Variants in LRP11 observed in about 807,000 individuals in gnomAD.
LRP11 encodes low-density lipoprotein receptor-related protein 11.
Under a neutral mutation model 43.1 loss-of-function variants are expected in LRP11, and 25 were observed. The ratio of observed to expected loss-of-function variants is 0.58; its 90% CI spans 0.42 to 0.81. The LOEUF (loss-of-function observed/expected upper bound fraction) is 0.81. Ranked by LOEUF, LRP11 falls within the 30% of genes least tolerant of loss-of-function variation. The pLI is 0.00. For synonymous variants in LRP11, 316 were observed against 299.4 expected (o/e 1.06, Z -0.57); for missense variants, 623 against 665.1 (o/e 0.94, Z 0.70).
chr6:149,843,043 C>T lies in LRP11; in HGVS notation c.853G>A (p.Gly285Arg), dbSNP rs368092456. The T allele has an allele frequency of 1.5e-5, 25 of 1,614,078 alleles. No homozygotes were observed. The highest frequency in any genetic ancestry group is 3.3e-4 in the Middle Eastern group (2 of 6,084). The change falls in exon 3 of 7, where the codon GGG becomes AGG. Residue 285 changes from glycine (G) to arginine (R), a missense_variant. Transcript: ENST00000239367. ...TFQLTVTDTA[G>R]QRSSDNVSVT... ...GACACGTTGTCAGAGCTTCTCTGCC[C>T]GGCAGTGTCCGTCACGGTCAGCTGG...
intron 5 of LRP11, 123 bp from the exon 6 acceptor site, chr6:149,826,482 A>G: frequency 4.5e-6 from 3 of 663,602 alleles, no homozygotes; most frequent in Non-Finnish European, 7.7e-6. Flanking sequence ...TTATTTCTCT[A>G]CTAAACAAAG....
At chr6:149,849,162 T>C (rs1186394268) in intron 2 of LRP11, among the ~76,000 whole-genome samples, 2 of 152,200 alleles carry the variant, frequency 1.3e-5, no homozygotes, top group Non-Finnish European at 2.9e-5. Context: ...AACTGACGAA[T>C]GTAAATCAAT....
chr6:149,845,758 TCAGGTCTTATCTGTCGGATAAGAC>T (rs11267953), intron 2 of LRP11, among the ~76,000 whole-genome samples: 56,378 of 151,596 alleles, frequency 0.37, 11,471 homozygotes, highest in East Asian at 0.84. Context: ...GACTTGGGGC[TCAGGTCTTATCTGTCGGATAAGAC>T]CAGGTCTTAT....
intron 5 of LRP11, among the ~76,000 whole-genome samples, chr6:149,830,413 A>G (rs942545918): frequency 2.2e-4 from 33 of 152,212 alleles, no homozygotes; most frequent in African/African-American, 7.2e-4. Context: ...GGACTGATCC[A>G]AAGCAGTTTT....
chr6:149,836,140 C>A lies in LRP11; in HGVS notation c.1197G>T (p.Lys399Asn), dbSNP rs1326355308. 1 of 1,614,110 alleles carries A rather than the reference C, an allele frequency of 6.2e-7. No homozygotes were observed. ...NKPPALSNTE[K>N]RNHSAFWGPE... Reference sequence around the variant, plus strand: ...GTCCCCAAAAGGCGGAATGATTCCTCTTCTCTGTGTTTGATAATGCAGGTG... The same window carrying A: ...GTCCCCAAAAGGCGGAATGATTCCTATTCTCTGTGTTTGATAATGCAGGTG... Residue 399 changes from lysine to asparagine, a missense_variant, in exon 5 of 7, where the codon AAG (lysine) becomes AAT (asparagine). Coordinates refer to ENST00000239367, the MANE Select transcript of LRP11 (RefSeq NM_032832.6).
chr6:149,863,899 G>T lies in LRP11; in HGVS notation c.122C>A (p.Pro41His). 6.7e-7 allele frequency: 1 copy of T among 1,488,140 alleles called. No homozygotes were observed. Among genetic ancestry groups the T allele is most frequent in the Non-Finnish European group, 8.9e-7 (1 of 1,127,028 alleles). 92.2% of individuals were successfully genotyped at this position (1,488,140 alleles called of 1,614,324 possible). ...GTGCAGTTCGGACAGCGGCGCCGCG[G>T]GCGGCAAGGCCGCACGGCCGCTTGG... ...WLPSGRAALPPAAPLSELHAQ... is the reference protein window; with the variant it reads ...WLPSGRAALPHAAPLSELHAQ... Residue 41 changes from proline to histidine, a missense_variant, in exon 1 of 7, where the codon CCC becomes CAC. Physicochemically the swap from Pro to His is moderately conservative, Grantham distance 77. Transcript: ENST00000239367.
At chr6:149,840,139 A>G (rs1458018299) in intron 3 of LRP11, among the ~76,000 whole-genome samples, 1 of 152,150 alleles carries the variant, frequency 6.6e-6, no homozygotes, top group Non-Finnish European at 1.5e-5. Flanking sequence ...TCATCTGTCT[A>G]CCTCAGCTAG....
At chr6:149,839,753 C>T (rs1776520880) in intron 3 of LRP11, among the ~76,000 whole-genome samples, 1 of 152,210 alleles carries the variant, frequency 6.6e-6, no homozygotes, top group South Asian at 2.1e-4. Flanking sequence ...CTCCCAGGCT[C>T]AACTGACTCT....
chr6:149,853,670 G>C (rs1483384038), intron 1 of LRP11, among the ~76,000 whole-genome samples: 1 of 152,076 alleles, frequency 6.6e-6, no homozygotes, highest in Non-Finnish European at 1.5e-5. Flanking sequence ...ACCACATCCT[G>C]CTAATTGTTT....
intron 2 of LRP11, among the ~76,000 whole-genome samples, chr6:149,851,997 A>C (rs2115408990): frequency 6.6e-6 from 1 of 152,246 alleles, no homozygotes; most frequent in South Asian, 2.1e-4. Context: ...ATCTTGCGAG[A>C]ACTCACTCAC....
intron 1 of LRP11, among the ~76,000 whole-genome samples, chr6:149,857,774 C>A (rs1010245158): frequency 6.6e-6 from 1 of 152,170 alleles, no homozygotes; most frequent in Non-Finnish European, 1.5e-5. Flanking sequence ...ATCCGCACAA[C>A]CAGTTCCTTG....
At chr6:149,839,548 T>G (rs1482535366) in intron 3 of LRP11, among the ~76,000 whole-genome samples, 1 of 152,234 alleles carries the variant, frequency 6.6e-6, no homozygotes, top group Admixed American at 6.5e-5. Context: ...TGGAGATGGA[T>G]CCATATTTGT....
chr6:149,830,426 A>G (rs908011096), intron 5 of LRP11, among the ~76,000 whole-genome samples: 1 of 152,234 alleles, frequency 6.6e-6, no homozygotes, highest in East Asian at 1.9e-4. Flanking sequence ...GCAGTTTTCC[A>G]TTGAACCATA....
chr6:149,850,715 A>G (rs1776705998), intron 2 of LRP11, among the ~76,000 whole-genome samples: 1 of 152,128 alleles, frequency 6.6e-6, no homozygotes, highest in African/African-American at 2.4e-5. Context: ...ACCCCTATAT[A>G]CCTAATTTTC....
intron 1 of LRP11, among the ~76,000 whole-genome samples, chr6:149,855,169 A>G (rs768794466): frequency 2.0e-5 from 3 of 152,214 alleles, no homozygotes; most frequent in Admixed American, 6.5e-5. Context: ...TGATGAATGC[A>G]TAAGTTAAAC....
chr6:149,859,104 T>A (rs1231344630), intron 1 of LRP11, among the ~76,000 whole-genome samples: 1 of 152,058 alleles, frequency 6.6e-6, no homozygotes, highest in African/African-American at 2.4e-5. Flanking sequence ...ATGAATATTT[T>A]AATGGTCTCT....
intron 1 of LRP11, among the ~76,000 whole-genome samples, chr6:149,859,917 A>C (rs1023423065): frequency 2.0e-5 from 3 of 152,154 alleles, no homozygotes; most frequent in Non-Finnish European, 4.4e-5. Context: ...TTTAAAAAAA[A>C]TTTAATTCTT....
At chr6:149,850,666 ATGTT>A (rs1708017751) in intron 2 of LRP11, among the ~76,000 whole-genome samples, 1 of 152,196 alleles carries the variant, frequency 6.6e-6, no homozygotes, top group African/African-American at 2.4e-5. Context: ...CTAAAATGTC[ATGTT>A]TGAAATCTTA....
In LRP11 at chr6:149,828,958, C is replaced by T. The variant is rs550793888; in HGVS notation, c.1253-2599G>A. ...CTGATTTTTTCAAATGCCAGTTGCT[C>T]GTGGATCTCCAAAAGAAACACAAGA... On this transcript the variant is annotated intron_variant, in intron 5 of 6. Coordinates refer to ENST00000239367, the MANE Select transcript of LRP11 (RefSeq NM_032832.6). 4.6e-5 allele frequency among the ~76,000 whole-genome samples: 7 copies of T among 152,136 alleles called. No homozygotes were observed. The South Asian group carries it at 1.0e-3, about 23-fold the overall frequency.
Sources: gnomAD v4.1 joint callset for allele counts (sites outside exome capture counted in the v4.1 genomes callset) on GRCh38, gnomAD v4.1.1 for gene constraint, MANE v1.5 for transcripts, NCBI Gene and HGNC (gene_info 2026-07-23, HGNC 2026-07-21) for gene names.